The following AP2B1 variants were observed in gnomAD, a reference collection of about 807,000 sequenced individuals.
AP2B1 encodes adaptor related protein complex 2 subunit beta 1, also known as AP-2 complex subunit beta.
In AP2B1, 23 loss-of-function variants were observed where a neutral mutation model predicts 102.0. The observed-to-expected ratio is 0.23, with a 90% CI of 0.16 to 0.32. The LOEUF is 0.32. AP2B1 is among the 10% of genes least tolerant of loss of function. AP2B1 has a pLI of 1.00. For synonymous variants in AP2B1, 381 were observed against 421.2 expected, an observed-to-expected ratio of 0.90 and a Z score of 1.17; for missense variants, 541 against 1,157.4, an observed-to-expected ratio of 0.47 and a Z score of 7.73.
At chr17:35,673,682 C>A (rs1021294265) in intron 16 of AP2B1, among the ~76,000 whole-genome samples, 1 of 151,944 alleles carries the variant, frequency 6.6e-6, no homozygotes, top group Admixed American at 6.6e-5. Context: ...ATAGTCGATG[C>A]CTTTAAGGGA....
intron 5 of AP2B1, among the ~76,000 whole-genome samples, chr17:35,617,105 G>A (rs554249759): frequency 3.1e-4 from 47 of 152,152 alleles, no homozygotes; most frequent in Admixed American, 6.5e-4. Context: ...GCGTAGGCTG[G>A]AGTGCAGTGG....
At chr17:35,589,047 T>C (rs1275780012) in intron 1 of AP2B1, among the ~76,000 whole-genome samples, 1 of 152,202 alleles carries the variant, frequency 6.6e-6, no homozygotes, top group Non-Finnish European at 1.5e-5. Flanking sequence ...GAGTTTAATG[T>C]TATTTTGGTT....
chr17:35,604,690 A>G (rs1487473807), intron 3 of AP2B1, among the ~76,000 whole-genome samples: 1 of 152,128 alleles, frequency 6.6e-6, no homozygotes, highest in Non-Finnish European at 1.5e-5. Context: ...CTGGGGAGGC[A>G]GTGGTTGCAG....
chr17:35,672,029 G>C, intron 16 of AP2B1, 129 bp downstream of exon 16: 2 of 1,028,322 alleles, frequency 1.9e-6, no homozygotes, highest in Non-Finnish European at 1.4e-6. Flanking sequence ...AGGACTTAGA[G>C]GAAGATGAAA....
At chr17:35,717,594 TAC>T (rs1421995022) in intron 21 of AP2B1, among the ~76,000 whole-genome samples, 4 of 152,218 alleles carry the variant, frequency 2.6e-5, no homozygotes, top group African/African-American at 7.2e-5. Context: ...CCCTGGTGTA[TAC>T]AGAGTTGCTC....
chr17:35,614,729 TA>T (rs1256665972), intron 5 of AP2B1, among the ~76,000 whole-genome samples: 1 of 150,330 alleles, frequency 6.7e-6, no homozygotes, highest in African/African-American at 2.4e-5. Context: ...GCTCTCAGAA[TA>T]GCCTCAATTC....
chr17:35,619,716 T>G (rs1447074944), intron 5 of AP2B1, among the ~76,000 whole-genome samples: 1 of 152,098 alleles, frequency 6.6e-6, no homozygotes. Flanking sequence ...TTAGTTTCAG[T>G]CTCCCCAAGA....
chr17:35,654,568 G>A (rs570083854), intron 13 of AP2B1, among the ~76,000 whole-genome samples: 29 of 152,100 alleles, frequency 1.9e-4, no homozygotes, highest in East Asian at 1.2e-3. Flanking sequence ...CTCTTCACCC[G>A]TAAGTACTGT....
chr17:35,680,413 G>T (rs1442214240), intron 17 of AP2B1, among the ~76,000 whole-genome samples: 7 of 151,764 alleles, frequency 4.6e-5, no homozygotes, highest in Non-Finnish European at 1.0e-4. Flanking sequence ...CCCAGGCATG[G>T]TGCAGTTGAG....
In AP2B1 at chr17:35,626,612, C is replaced by T. The variant is rs753856022; in HGVS notation, c.717-9C>T. 73 of 1,583,708 alleles carry T rather than the reference C, an allele frequency of 4.6e-5. No homozygotes were observed. Among genetic ancestry groups the T allele is most frequent in the Admixed American group, 1.0e-4 (6 of 59,586 alleles). On this transcript the variant is annotated splice_polypyrimidine_tract_variant and intron_variant, in intron 6 of 21. Coordinates refer to ENST00000610402, the MANE Select transcript of AP2B1 (RefSeq NM_001030006.2). Reference sequence around the variant, plus strand: ...ATTCATGATATTAATTTTCATTCTCCACCCTCAGCATCTGTGAGCGGGTAA... The same window carrying T: ...ATTCATGATATTAATTTTCATTCTCTACCCTCAGCATCTGTGAGCGGGTAA...
intron 18 of AP2B1, among the ~76,000 whole-genome samples, chr17:35,697,642 C>T (rs902259398): frequency 1.3e-5 from 2 of 152,146 alleles, no homozygotes; most frequent in African/African-American, 4.8e-5. Flanking sequence ...TCCTGATAGA[C>T]ACAAAAGTGT....
At chr17:35,677,466 C>T (rs1200007019) in intron 17 of AP2B1, among the ~76,000 whole-genome samples, 1 of 152,022 alleles carries the variant, frequency 6.6e-6, no homozygotes, top group East Asian at 1.9e-4. Context: ...ATTTTGAGAT[C>T]GTTTTTAAAT....
intron 14 of AP2B1, among the ~76,000 whole-genome samples, chr17:35,659,508 A>G (rs1324299864): frequency 6.6e-6 from 1 of 152,230 alleles, no homozygotes; most frequent in Non-Finnish European, 1.5e-5. Context: ...TCTGCATTAG[A>G]ATTCCTGCAA....
chr17:35,660,950 C>T (rs1406438004), intron 14 of AP2B1, among the ~76,000 whole-genome samples: 3 of 152,152 alleles, frequency 2.0e-5, no homozygotes, highest in African/African-American at 4.8e-5. Context: ...TCAACCCAAA[C>T]CCCTGTTTAA....
rs587683986 is a variant in AP2B1, at chr17:35,719,541, A to C, written c.2781+2192A>C. Among the ~76,000 whole-genome samples, 6 of 152,362 alleles carry C rather than the reference A, an allele frequency of 3.9e-5. No homozygotes were observed. In the East Asian group the frequency reaches 1.2e-3, roughly 29 times the overall value. On this transcript the variant is annotated intron_variant, in intron 21 of 21. Transcript: ENST00000610402. ...CACATAATACTCATAACATTCTTCCAAGTTGTTACATGTATCCATAGCTTG... is the reference window on the plus strand; with the variant it reads ...CACATAATACTCATAACATTCTTCCCAGTTGTTACATGTATCCATAGCTTG...
At chr17:35,631,659 A>G (rs1036034004) in intron 9 of AP2B1, among the ~76,000 whole-genome samples, 4 of 152,120 alleles carry the variant, frequency 2.6e-5, no homozygotes, top group Non-Finnish European at 4.4e-5. Context: ...ACATAACGTG[A>G]TTACTTGATA....
At chr17:35,642,786 GC>G (rs2091320350) in intron 12 of AP2B1, among the ~76,000 whole-genome samples, 1 of 151,864 alleles carries the variant, frequency 6.6e-6, no homozygotes, top group African/African-American at 2.4e-5. Flanking sequence ...ACAGTACTTT[GC>G]CTAGTTCTGA....
chr17:35,652,808 C>T (rs1185956902), intron 13 of AP2B1, among the ~76,000 whole-genome samples: 1 of 152,110 alleles, frequency 6.6e-6, no homozygotes, highest in Non-Finnish European at 1.5e-5. Flanking sequence ...ATTCTACCTT[C>T]TTTTTAGACA....
At chr17:35,664,927 A>G (rs1411501294) in intron 14 of AP2B1, among the ~76,000 whole-genome samples, 2 of 152,092 alleles carry the variant, frequency 1.3e-5, no homozygotes, top group Non-Finnish European at 2.9e-5. Flanking sequence ...AATCCGTTCC[A>G]TCCCCCTACT....
Sources: allele counts gnomAD v4.1 joint callset (sites outside exome capture counted in the v4.1 genomes callset), GRCh38; gene constraint gnomAD v4.1.1; transcripts MANE v1.5; gene names NCBI Gene and HGNC (gene_info 2026-07-23, HGNC 2026-07-21).